ATF7: variants seen among roughly 807,000 people sequenced by gnomAD.
ATF7 encodes cyclic AMP-dependent transcription factor ATF-7.
Under a neutral mutation model 50.4 loss-of-function variants are expected in ATF7, and 10 were observed. That is an observed-to-expected ratio of 0.20 (90% confidence interval 0.12 to 0.34). The LOEUF (loss-of-function observed/expected upper bound fraction) is 0.34. ATF7 is among the 10% of genes least tolerant of loss of function. The probability of loss-of-function intolerance (pLI) is 1.00; values close to 1 mark genes in which losing one functional copy is unlikely to be tolerated. For synonymous variants in ATF7, 201 were observed against 226.4 expected (o/e 0.89, Z 1.01); for missense variants, 465 against 613.9 (o/e 0.76, Z 2.56).
At position 53,515,318 on chromosome 12, in the gene ATF7, C is replaced by T. The variant is rs2137300600; in HGVS notation, c.*1819G>A. 6.6e-6 allele frequency: 1 copy of T among 152,284 alleles called. No individual in the cohort carries two copies. Among genetic ancestry groups the T allele is most frequent in the African/African-American group, 2.4e-5 (1 of 41,562 alleles). 9.4% of individuals were successfully genotyped at this position (152,284 alleles called of 1,614,324 possible). On this transcript the variant is annotated 3_prime_UTR_variant, in exon 12 of 12. Coordinates refer to ENST00000420353, the MANE Select transcript of ATF7 (RefSeq NM_006856.3). The stretch of plus-strand genomic sequence containing the variant: ...TAGCTTAGAACATTTTCTCATTCCC[C>T]TGTGACAGTCAATTTTGGAGACAAA...
At chr12:53,609,211 A>G (rs536897757) in intron 1 of ATF7, among the ~76,000 whole-genome samples, 11 of 150,606 alleles carry the variant, frequency 7.3e-5, no homozygotes, top group South Asian at 2.1e-4. Flanking sequence ...CTGGAGTCCA[A>G]TGGTGTGTTC....
chr12:53,519,251 G>A, intron 11 of ATF7, among the ~76,000 whole-genome samples: 1 of 152,116 alleles, frequency 6.6e-6, no homozygotes, highest in East Asian at 1.9e-4. Context: ...TCCCAGTTTA[G>A]GGGCTTTTTA....
chr12:53,568,597 C>T (rs896854717), intron 2 of ATF7, among the ~76,000 whole-genome samples: 1 of 152,120 alleles, frequency 6.6e-6, no homozygotes, highest in African/African-American at 2.4e-5. Context: ...CTATATAAAC[C>T]ATAAACTGGT....
intron 2 of ATF7, chr12:53,574,828 C>A (rs1941965793): frequency 3.5e-6 from 1 of 284,662 alleles, no homozygotes; most frequent in Admixed American, 4.0e-5. Context: ...ATGGGAAATC[C>A]TAAAGAAATA....
intron 1 of ATF7, among the ~76,000 whole-genome samples, chr12:53,605,316 G>A (rs902482387): frequency 6.7e-6 from 1 of 149,192 alleles, no homozygotes; most frequent in Admixed American, 6.7e-5. Flanking sequence ...TTGAACCCAG[G>A]AGGCAGAGTT....
At chr12:53,555,284 C>G (rs887547024) in intron 2 of ATF7, among the ~76,000 whole-genome samples, 10 of 150,406 alleles carry the variant, frequency 6.6e-5, no homozygotes, top group African/African-American at 2.4e-4. Flanking sequence ...GAGATTGCGC[C>G]ATTGCACTCC....
At chr12:53,582,793 G>T (rs1392368154) in intron 2 of ATF7, among the ~76,000 whole-genome samples, 1 of 151,984 alleles carries the variant, frequency 6.6e-6, no homozygotes, top group Non-Finnish European at 1.5e-5. Context: ...CACCATGTTG[G>T]CCAGGATGGT....
At chr12:53,517,702 G>T (rs547812905) in intron 11 of ATF7, 12 of 268,408 alleles carry the variant, frequency 4.5e-5, no homozygotes, top group Admixed American at 9.6e-5. Flanking sequence ...AAGAGATAGG[G>T]TCTCAAGTGA....
intron 1 of ATF7, among the ~76,000 whole-genome samples, chr12:53,623,228 C>T (rs1341359119): frequency 6.6e-6 from 1 of 152,038 alleles, no homozygotes; most frequent in Non-Finnish European, 1.5e-5. Flanking sequence ...AAAGACCAAC[C>T]GTCTTTTAAC....
At chr12:53,521,902 T>C (rs951945782) in intron 11 of ATF7, among the ~76,000 whole-genome samples, 2 of 152,214 alleles carry the variant, frequency 1.3e-5, no homozygotes, top group African/African-American at 4.8e-5. Flanking sequence ...TGTTTAAAAT[T>C]GGTGATATAG....
intron 4 of ATF7, among the ~76,000 whole-genome samples, chr12:53,542,194 G>A (rs1415287069): frequency 1.3e-5 from 2 of 148,744 alleles, no homozygotes; most frequent in African/African-American, 2.5e-5. Flanking sequence ...GGGAGGCCGA[G>A]GTGAGCAGAT....
intron 11 of ATF7, among the ~76,000 whole-genome samples, chr12:53,518,772 G>A (rs1185726170): frequency 4.6e-5 from 7 of 152,058 alleles, no homozygotes; most frequent in African/African-American, 1.7e-4. Flanking sequence ...ATGGCCGGGC[G>A]CAGTGGCTCA....
intron 2 of ATF7, among the ~76,000 whole-genome samples, chr12:53,578,026 A>G (rs1942195008): frequency 6.6e-6 from 1 of 152,144 alleles, no homozygotes; most frequent in Non-Finnish European, 1.5e-5. Context: ...GAAACCATGC[A>G]AGCAGAGAGT....
intron 1 of ATF7, among the ~76,000 whole-genome samples, chr12:53,604,898 A>G (rs763617048): frequency 1.3e-5 from 2 of 152,236 alleles, no homozygotes; most frequent in Non-Finnish European, 2.9e-5. Flanking sequence ...ATAGGCCTTT[A>G]CACAAAAATA....
chr12:53,597,788 GAC>G (rs1018194378), intron 2 of ATF7, among the ~76,000 whole-genome samples: 5 of 144,424 alleles, frequency 3.5e-5, no homozygotes, highest in African/African-American at 7.8e-5. Context: ...CAGCTTGGGC[GAC>G]AGAGTGGAAC....
chr12:53,610,042 C>T (rs1364610112), intron 1 of ATF7, among the ~76,000 whole-genome samples: 1 of 151,708 alleles, frequency 6.6e-6, no homozygotes, highest in African/African-American at 2.4e-5. Context: ...GTTTCGAACT[C>T]CTGACCTCAA....
At chr12:53,578,198 T>A (rs1355516126) in intron 2 of ATF7, among the ~76,000 whole-genome samples, 1 of 151,798 alleles carries the variant, frequency 6.6e-6, no homozygotes, top group Non-Finnish European at 1.5e-5. Flanking sequence ...CACAGTGAGA[T>A]CTCATCTCAA....
chr12:53,601,124 G>A (rs527422756), intron 1 of ATF7, 103 bp from the exon 2 acceptor site: 36 of 806,924 alleles, frequency 4.5e-5, no homozygotes, highest in East Asian at 3.0e-4. Flanking sequence ...GGTGTTCCAC[G>A]AATGCCATCT....
At chr12:53,539,402 AC>A (rs1203525294) in intron 4 of ATF7, among the ~76,000 whole-genome samples, 1 of 152,006 alleles carries the variant, frequency 6.6e-6, no homozygotes, top group Non-Finnish European at 1.5e-5. Context: ...AAATAGCAAA[AC>A]CCTTTCTTGG....
Sources: allele counts gnomAD v4.1 joint callset (sites outside exome capture counted in the v4.1 genomes callset), GRCh38; gene constraint gnomAD v4.1.1; transcripts MANE v1.5; gene names NCBI Gene and HGNC (gene_info 2026-07-23, HGNC 2026-07-21).